Variants in NTM observed in about 807,000 individuals in gnomAD.
NTM encodes IgLON family member 2.
NTM carries 13 observed loss-of-function variants against 42.1 expected under a neutral mutation model. That is an observed-to-expected ratio of 0.31 (90% CI 0.20 to 0.49). NTM has a LOEUF of 0.49. Among genes scored for constraint, NTM ranks in the 20% least tolerant of loss-of-function variants. The pLI is 0.99. For missense variants in NTM, 373 were observed against 452.8 expected (o/e 0.82, Z 1.60); for synonymous variants, 187 against 179.2 (o/e 1.04, Z -0.35).
intron 3 of NTM, among the ~76,000 whole-genome samples, chr11:132,169,615 T>A (rs2075844599): frequency 6.6e-6 from 1 of 152,136 alleles, no homozygotes; most frequent in East Asian, 1.9e-4. Context: ...ATTACAGGCG[T>A]GAACCACTGT....
intron 1 of NTM, among the ~76,000 whole-genome samples, chr11:131,626,629 G>A (rs2063131135): frequency 6.6e-6 from 1 of 152,172 alleles, no homozygotes; most frequent in Admixed American, 6.5e-5. Flanking sequence ...GGCAAAAGGG[G>A]AAAACAGGCA....
chr11:131,414,354 T>C (rs1191955072), intron 1 of NTM, among the ~76,000 whole-genome samples: 2 of 152,204 alleles, frequency 1.3e-5, no homozygotes, highest in African/African-American at 4.8e-5. Context: ...CCTTTGCCTC[T>C]GGCCTGCCCA....
intron 2 of NTM, among the ~76,000 whole-genome samples, chr11:132,140,582 AG>A (rs1451620026): frequency 6.6e-6 from 1 of 152,214 alleles, no homozygotes; most frequent in Non-Finnish European, 1.5e-5. Flanking sequence ...GAAATCCAGT[AG>A]GGTCAAAATT....
intron 1 of NTM, among the ~76,000 whole-genome samples, chr11:131,448,078 A>T (rs562140648): frequency 6.6e-6 from 1 of 152,106 alleles, no homozygotes; most frequent in African/African-American, 2.4e-5. Flanking sequence ...GTCCTGTGCC[A>T]CCTCTCAGCA....
intron 2 of NTM, among the ~76,000 whole-genome samples, chr11:131,945,234 T>C (rs2060219343): frequency 6.6e-6 from 1 of 152,224 alleles, no homozygotes; most frequent in Non-Finnish European, 1.5e-5. Flanking sequence ...TAGCATCTCC[T>C]GTCTCACGCA....
At chr11:132,313,563 G>T (rs2095340325) in intron 6 of NTM, among the ~76,000 whole-genome samples, 1 of 152,104 alleles carries the variant, frequency 6.6e-6, no homozygotes, top group Non-Finnish European at 1.5e-5. Context: ...AAAGTAAAAG[G>T]TTGGCTTAAA....
chr11:131,942,669 G>A (rs2059922472), intron 2 of NTM, among the ~76,000 whole-genome samples: 1 of 152,286 alleles, frequency 6.6e-6, no homozygotes, highest in African/African-American at 2.4e-5. Flanking sequence ...GTTTAGGCTG[G>A]GTGTGGTGGC....
intron 1 of NTM, among the ~76,000 whole-genome samples, chr11:131,445,043 G>T (rs1378608673): frequency 6.6e-6 from 1 of 152,134 alleles, no homozygotes; most frequent in African/African-American, 2.4e-5. Flanking sequence ...ATACCAAGAA[G>T]TCAGCAGCAA....
chr11:131,555,879 T>A (rs2055340614), intron 1 of NTM, among the ~76,000 whole-genome samples: 1 of 151,338 alleles, frequency 6.6e-6, no homozygotes, highest in Non-Finnish European at 1.5e-5. Flanking sequence ...TGCCGAGGAG[T>A]GATGGCACCA....
intron 1 of NTM, among the ~76,000 whole-genome samples, chr11:131,477,548 G>T (rs185743579): frequency 3.3e-5 from 5 of 151,582 alleles, no homozygotes; most frequent in Non-Finnish European, 5.9e-5. Context: ...CAGAGGATGC[G>T]CCCTCTGCTT....
chr11:131,504,828 C>T (rs555679057), intron 1 of NTM, among the ~76,000 whole-genome samples: 2 of 152,286 alleles, frequency 1.3e-5, no homozygotes, highest in Non-Finnish European at 1.5e-5. Context: ...CTCCTGCATG[C>T]ACATATGCCT....
chr11:131,430,102 G>C (rs1303860890), intron 1 of NTM, among the ~76,000 whole-genome samples: 1 of 152,178 alleles, frequency 6.6e-6, no homozygotes, highest in African/African-American at 2.4e-5. Context: ...TGGGCGCTGG[G>C]ATATGGCAGC....
At chr11:131,770,203 G>A (rs141738358) in intron 1 of NTM, among the ~76,000 whole-genome samples, 369 of 152,278 alleles carry the variant, frequency 2.4e-3, no homozygotes, top group African/African-American at 7.7e-3. Flanking sequence ...CTAGTCACTC[G>A]ATTTGCCTGT....
chr11:131,398,789 C>T (rs950595370), intron 1 of NTM, among the ~76,000 whole-genome samples: 1 of 152,160 alleles, frequency 6.6e-6, no homozygotes, highest in Non-Finnish European at 1.5e-5. Flanking sequence ...TCCCAGACCC[C>T]GCATCCAGTT....
intron 1 of NTM, among the ~76,000 whole-genome samples, chr11:131,735,519 G>T (rs937608132): frequency 6.6e-6 from 1 of 152,230 alleles, no homozygotes; most frequent in African/African-American, 2.4e-5. Flanking sequence ...GGGTTGTATT[G>T]TCTGAAACAA....
chr11:132,248,575 A>T (rs1321407615), intron 4 of NTM, among the ~76,000 whole-genome samples: 1 of 152,200 alleles, frequency 6.6e-6, no homozygotes, highest in Non-Finnish European at 1.5e-5. Context: ...ACTGCCATGC[A>T]AATCAGAAGT....
intron 1 of NTM, among the ~76,000 whole-genome samples, chr11:131,773,202 T>C (rs116191735): frequency 0.01 from 1,537 of 152,208 alleles, 21 homozygotes; most frequent in African/African-American, 0.036. Flanking sequence ...TGTTGCTGTG[T>C]CCTCCGGAGG....
intron 2 of NTM, among the ~76,000 whole-genome samples, chr11:132,139,342 G>T (rs994592404): frequency 6.6e-6 from 1 of 152,290 alleles, no homozygotes; most frequent in Admixed American, 6.5e-5. Flanking sequence ...AAAATGGCTT[G>T]TGGGAGCCGT....
intron 3 of NTM, among the ~76,000 whole-genome samples, chr11:132,179,816 G>C (rs2077302501): frequency 6.6e-6 from 1 of 152,118 alleles, no homozygotes; most frequent in Non-Finnish European, 1.5e-5. Flanking sequence ...AGGAAAACTT[G>C]AAGAAGAATG....
Sources: allele counts gnomAD v4.1 joint callset (sites outside exome capture counted in the v4.1 genomes callset), GRCh38; gene constraint gnomAD v4.1.1; transcripts MANE v1.5; gene names NCBI Gene and HGNC (gene_info 2026-07-23, HGNC 2026-07-21).